Variants in FCHSD2 observed in about 807,000 individuals in gnomAD.
The protein encoded by FCHSD2 is F-BAR and double SH3 domains protein 2.
FCHSD2 carries 38 observed loss-of-function variants against 108.1 expected under a neutral mutation model. That is an observed-to-expected ratio of 0.35 (90% CI 0.27 to 0.46). FCHSD2 has a LOEUF of 0.46. FCHSD2 is among the 20% of genes least tolerant of loss of function. The pLI, the probability that FCHSD2 is intolerant of heterozygous loss-of-function variation, is 1.00. For missense variants in FCHSD2, 751 were observed against 897.8 expected (o/e 0.84, Z 2.09); for synonymous variants, 279 against 314.7 (o/e 0.89, Z 1.20).
At chr11:72,976,543 G>A (rs1857107495) in intron 8 of FCHSD2, among the ~76,000 whole-genome samples, 1 of 152,120 alleles carries the variant, frequency 6.6e-6, no homozygotes, top group African/African-American at 2.4e-5. Flanking sequence ...GCCTTCCAAA[G>A]TGCTGGGATG....
chr11:73,116,355 C>T (rs746180524), intron 2 of FCHSD2, among the ~76,000 whole-genome samples: 1 of 152,150 alleles, frequency 6.6e-6, no homozygotes, highest in Non-Finnish European at 1.5e-5. Flanking sequence ...AATTTGATTG[C>T]TTGTACTGTC....
At chr11:72,916,126 G>A (rs1453228674) in intron 9 of FCHSD2, among the ~76,000 whole-genome samples, 2 of 151,958 alleles carry the variant, frequency 1.3e-5, no homozygotes, top group Non-Finnish European at 2.9e-5. Context: ...GGCTTAATAC[G>A]TGGGTGATAA....
chr11:72,843,381 C>T, intron 15 of FCHSD2, 53 bp from the exon 16 acceptor site: 1 of 1,609,574 alleles, frequency 6.2e-7, no homozygotes, highest in Non-Finnish European at 8.5e-7. Flanking sequence ...TTAGACAGGG[C>T]ACAACAAAGA....
intron 2 of FCHSD2, among the ~76,000 whole-genome samples, chr11:73,115,488 T>C (rs754971721): frequency 2.6e-5 from 4 of 152,164 alleles, no homozygotes; most frequent in Non-Finnish European, 4.4e-5. Flanking sequence ...AACAATCTTA[T>C]ATATCTTTTC....
intron 8 of FCHSD2, among the ~76,000 whole-genome samples, chr11:72,938,779 T>C (rs1856354665): frequency 6.6e-6 from 1 of 152,250 alleles, no homozygotes; most frequent in South Asian, 2.1e-4. Context: ...AATAGTTCAG[T>C]TCTAAACTAT....
intron 2 of FCHSD2, among the ~76,000 whole-genome samples, chr11:73,087,373 T>C (rs1025926717): frequency 2.6e-5 from 4 of 152,054 alleles, no homozygotes; most frequent in African/African-American, 9.7e-5. Flanking sequence ...AGTAAAAAAG[T>C]TACAGTGAGC....
rs551892714 is a variant in FCHSD2 at position 72,997,111 on chromosome 11, TA to T, written c.387+3878del. 7.9e-3 allele frequency among the ~76,000 whole-genome samples: 1,208 copies of T among 152,226 alleles called. 20 individuals carry two copies. Among genetic ancestry groups the T allele is most frequent in the African/African-American group, 0.027 (1,132 of 41,534 alleles). ...TCCCCTTGGGTTAACAGATGACTTC[TA>T]AAAAGCAGGTGTTGGGTAAAATGCC... On this transcript the variant is annotated intron_variant, in intron 5 of 19. Transcript: ENST00000409418.
At position 72,992,409 on chromosome 11, in the gene FCHSD2, C is replaced by T. The variant is rs1484302906; in HGVS notation, c.388-3312G>A. Among the ~76,000 whole-genome samples the T allele has an allele frequency of 4.0e-5, 6 of 150,224 alleles. No homozygotes were observed. In the East Asian group the frequency reaches 9.8e-4, roughly 25 times the overall value. ...ACTTTCTTCACAGAATTGGAAAAGA[C>T]TAAAGTTCATATGGAACCAAAAAAG... On this transcript the variant is annotated intron_variant, in intron 5 of 19. Transcript: ENST00000409418.
intron 18 of FCHSD2, 69 bp from the exon 19 acceptor site, chr11:72,841,028 C>T: frequency 1.7e-6 from 2 of 1,199,696 alleles, no homozygotes; most frequent in Non-Finnish European, 1.2e-6. Flanking sequence ...GCAAGGCTGG[C>T]ATGGTGGCTT....
chr11:73,031,289 A>G (rs1227608771), intron 3 of FCHSD2, among the ~76,000 whole-genome samples: 1 of 152,176 alleles, frequency 6.6e-6, no homozygotes, highest in Non-Finnish European at 1.5e-5. Flanking sequence ...AGCCTGGGCA[A>G]CATAACGAAA....
intron 2 of FCHSD2, among the ~76,000 whole-genome samples, chr11:73,112,541 T>C (rs1591563271): frequency 6.6e-6 from 1 of 152,336 alleles, no homozygotes; most frequent in East Asian, 1.9e-4. Context: ...TCCCTAGGTT[T>C]GGGAAGTTCT....
chr11:73,088,370 C>T (rs1859873201), intron 2 of FCHSD2, among the ~76,000 whole-genome samples: 1 of 152,048 alleles, frequency 6.6e-6, no homozygotes, highest in African/African-American at 2.4e-5. Context: ...AAGTGTACTC[C>T]ATGATGTTCA....
In FCHSD2 at chr11:72,842,792, C is replaced by T. The variant is rs748966822; in HGVS notation, c.1755G>A (p.Glu585=). 99 of 1,613,854 alleles carry T rather than the reference C, an allele frequency of 6.1e-5. 2 individuals carry two copies. In the South Asian group the frequency reaches 1.1e-3, roughly 17 times the overall value. ...LYDYEGQTDD[E]LSFPEGAIIR... is the part of the protein sequence containing the mutation. Reference sequence around the variant, plus strand: ...TTATTGCTCCCTCAGGAAAAGATAACTCATCATCTGTCTGGCCCTCATAAT... The same window carrying T: ...TTATTGCTCCCTCAGGAAAAGATAATTCATCATCTGTCTGGCCCTCATAAT... The change falls in exon 17 of 20, where the codon GAG becomes GAA. Residue 585 remains glutamate (E), a synonymous_variant. Transcript: ENST00000409418.
intron 13 of FCHSD2, among the ~76,000 whole-genome samples, chr11:72,855,722 G>A (rs1354707852): frequency 1.3e-5 from 2 of 152,120 alleles, no homozygotes; most frequent in Admixed American, 6.5e-5. Context: ...GGCATTGAGT[G>A]TAAAAAATGA....
At chr11:73,062,248 G>GT in intron 3 of FCHSD2, among the ~76,000 whole-genome samples, 1 of 152,192 alleles carries the variant, frequency 6.6e-6, no homozygotes, top group East Asian at 1.9e-4. Context: ...CAAACAGAAA[G>GT]GAATAGCATG....
intron 12 of FCHSD2, among the ~76,000 whole-genome samples, chr11:72,884,100 T>C (rs566986544): frequency 6.6e-6 from 1 of 152,246 alleles, no homozygotes; most frequent in East Asian, 1.9e-4. Flanking sequence ...AGACCACTCT[T>C]AGTATCATTA....
intron 9 of FCHSD2, among the ~76,000 whole-genome samples, chr11:72,909,731 C>T (rs917959788): frequency 1.9e-4 from 28 of 148,718 alleles, no homozygotes; most frequent in African/African-American, 4.2e-4. Flanking sequence ...GCCGCCACCC[C>T]GTCTGGTAGG....
chr11:72,905,924 A>C (rs187122703), intron 9 of FCHSD2, among the ~76,000 whole-genome samples: 1,688 of 152,272 alleles, frequency 0.011, 12 homozygotes, highest in Non-Finnish European at 0.018. Context: ...TTTATAGCAG[A>C]ATGATTTATA....
At chr11:72,916,731 T>C (rs1192510234) in intron 9 of FCHSD2, among the ~76,000 whole-genome samples, 1 of 152,226 alleles carries the variant, frequency 6.6e-6, no homozygotes, top group Non-Finnish European at 1.5e-5. Flanking sequence ...TCTCTCATCA[T>C]TTGGGTTGAT....
Sources: allele counts gnomAD v4.1 joint callset (sites outside exome capture counted in the v4.1 genomes callset), GRCh38; gene constraint gnomAD v4.1.1; transcripts MANE v1.5; gene names NCBI Gene and HGNC (gene_info 2026-07-23, HGNC 2026-07-21).